Variants in OR5A1 observed in about 807,000 individuals in gnomAD.
The protein encoded by OR5A1 is olfactory receptor family 5 subfamily A member 1.
A neutral mutation model predicts 6.7 loss-of-function variants in OR5A1; 6 were observed. That is an observed-to-expected ratio of 0.89 (90% CI 0.49 to 1.76). The LOEUF is 1.76. OR5A1 is among the 40% of genes most tolerant of loss of function. OR5A1 has a pLI of 0.01. For synonymous variants in OR5A1, 170 were observed against 155.0 expected (o/e 1.10, Z -0.72); for missense variants, 378 against 381.7 (o/e 0.99, Z 0.08).
At chr11:59,443,007 C>T (rs7948562) in intron 1 of OR5A1, 129 bp from the exon 2 acceptor site, 576,557 of 603,924 alleles carry the variant, frequency 0.95, 276,770 homozygotes, top group Non-Finnish European at 0.99. Context: ...GAGACTGAGA[C>T]TGAGACTGAG....
rs1565076481 is a variant in OR5A1 at position 59,448,894 on chromosome 11, AT to A, written c.*4781del. ...CTTGAACTATAATATTGTTGATGAA[AT>A]TTCTGTAATCGTTATCATACAAGGA... On this transcript the variant is annotated 3_prime_UTR_variant, in exon 2 of 2. Transcript: ENST00000641045. The A allele has an allele frequency of 6.6e-6, 1 of 152,168 alleles. No homozygotes were observed. Among genetic ancestry groups the A allele is most frequent in the African/African-American group, 2.4e-5 (1 of 41,440 alleles). 9.4% of individuals were successfully genotyped at this position (152,168 alleles called of 1,614,324 possible). A position where few individuals can be genotyped will look rare whatever the true frequency, so the allele number is the denominator to read the frequency against.
chr11:59,443,767 T>C lies in OR5A1; in HGVS notation c.599T>C (p.Val200Ala). ...LSCSDTFLSQ[V>A]VNFLVVVTVG... ...TGCTCTGACACCTTCCTCAGTCAAG[T>C]GGTGAATTTCCTCGTGGTGGTCACT... The change falls in exon 2 of 2, where the codon GTG (valine) becomes GCG (alanine). Residue 200 changes from valine to alanine, a missense_variant. Coordinates refer to ENST00000641045, the MANE Select transcript of OR5A1 (RefSeq NM_001004728.2). 2 of 1,614,120 alleles carry C rather than the reference T, an allele frequency of 1.2e-6. No homozygotes were observed. Among genetic ancestry groups the C allele is most frequent in the Non-Finnish European group, 1.7e-6 (2 of 1,180,000 alleles).
At position 59,443,805 on chromosome 11, in the gene OR5A1, T is replaced by C. The variant is rs769283227; in HGVS notation, c.637T>C (p.Ser213Pro). ...CGTGGTGGTCACTGTCGGAGGAACA[T>C]CGTTCCTCCAACTCCTTATCTCCTA... ...FLVVVTVGGT[S>P]FLQLLISYGY... Residue 213 changes from serine to proline, a missense_variant, in exon 2 of 2, where the codon TCG becomes CCG. Coordinates refer to ENST00000641045, the MANE Select transcript of OR5A1 (RefSeq NM_001004728.2). The C allele has an allele frequency of 4.3e-6, 7 of 1,613,570 alleles. No individual in the cohort carries two copies. Among genetic ancestry groups the C allele is most frequent in the African/African-American group, 4.0e-5 (3 of 74,900 alleles).
Position 59,443,495 on chromosome 11 carries a change from C to T in OR5A1, c.327C>T (p.Gly109=), listed in dbSNP as rs1167262261. ...CTGCTCAGTTTTTTTTCTTTGTCGG[C>T]ATGGGTCTGTCTGAGTGCCTCCTCC... ...GCAAQFFFFV[G]MGLSECLLLT... Residue 109 remains glycine, a synonymous_variant, in exon 2 of 2, where the codon GGC becomes GGT. Coordinates refer to ENST00000641045, the MANE Select transcript of OR5A1 (RefSeq NM_001004728.2). The T allele has an allele frequency of 1.2e-6, 2 of 1,614,024 alleles. No individual in the cohort carries two copies. The highest frequency in any genetic ancestry group is 8.5e-7 in the Non-Finnish European group (1 of 1,179,998).
At chr11:59,439,066 C>T (rs2075785465) in intron 1 of OR5A1, among the ~76,000 whole-genome samples, 1 of 152,170 alleles carries the variant, frequency 6.6e-6, no homozygotes, top group African/African-American at 2.4e-5. Context: ...AGAACACCTC[C>T]AACTCCACAA....
chr11:59,441,463 TCATTGATTTC>T (rs2134535470), intron 1 of OR5A1, among the ~76,000 whole-genome samples: 1 of 152,306 alleles, frequency 6.6e-6, no homozygotes, highest in South Asian at 2.1e-4. Flanking sequence ...TAAAATAATT[TCATTGATTTC>T]CAAATTATTT....
intron 1 of OR5A1, among the ~76,000 whole-genome samples, chr11:59,438,476 C>T (rs1341481686): frequency 1.3e-5 from 2 of 152,102 alleles, no homozygotes; most frequent in African/African-American, 4.8e-5. Flanking sequence ...TGAAACCAAT[C>T]TTTTCAAAAA....
intron 1 of OR5A1, among the ~76,000 whole-genome samples, chr11:59,440,802 C>T (rs1331217047): frequency 6.6e-6 from 1 of 152,168 alleles, no homozygotes; most frequent in Non-Finnish European, 1.5e-5. Context: ...CAAACAGGAG[C>T]AAAACCTTAG....
intron 1 of OR5A1, among the ~76,000 whole-genome samples, chr11:59,442,051 C>CAG (rs1206893575): frequency 6.6e-6 from 1 of 152,006 alleles, no homozygotes; most frequent in African/African-American, 2.4e-5. Context: ...TCTAATTTTA[C>CAG]AGAGAGAGAG....
rs937622219 is a variant in OR5A1 at position 59,448,872 on chromosome 11, G to A, written c.*4756G>A. 8 of 152,090 alleles carry A rather than the reference G, an allele frequency of 5.3e-5. No homozygotes were observed. Among genetic ancestry groups the A allele is most frequent in the Admixed American group, 4.6e-4 (7 of 15,272 alleles). The allele number at this position is 152,090 out of a possible 1,614,324, so 9.4% of individuals were successfully genotyped here. A position where few individuals can be genotyped will look rare whatever the true frequency, so the allele number is the denominator to read the frequency against. On this transcript the variant is annotated 3_prime_UTR_variant, in exon 2 of 2. Coordinates refer to ENST00000641045, the MANE Select transcript of OR5A1 (RefSeq NM_001004728.2). ...CCATTGTCACATGAAATTGACTCTT[G>A]AACTATAATATTGTTGATGAAATTT...
chr11:59,443,250 G>GCC lies in OR5A1; in HGVS notation c.84_85dup (p.Leu29ProfsTer5). ...ATTCACAGACCATCCAGAACTCCAG[G>GCC]CCCTCCTCTTTGTGACCTTCCTGGG... On this transcript the variant is annotated frameshift_variant, in exon 2 of 2. Coordinates refer to ENST00000641045, the MANE Select transcript of OR5A1 (RefSeq NM_001004728.2). LOFTEE classifies it high-confidence loss of function. The GCC allele has an allele frequency of 6.2e-7, 1 of 1,613,912 alleles. No homozygotes were observed. The highest frequency in any genetic ancestry group is 8.5e-7 in the Non-Finnish European group (1 of 1,179,982).
Position 59,449,651 on chromosome 11 carries a change from T to C in OR5A1, c.*5535T>C, listed in dbSNP as rs1207502398. On this transcript the variant is annotated 3_prime_UTR_variant, in exon 2 of 2. Transcript: ENST00000641045. ...TAATGATATTAGGATTATGATAATA[T>C]TAATACCCTACATTTGTATAATGCT... The C allele has an allele frequency of 6.6e-6, 1 of 152,212 alleles. No individual in the cohort carries two copies. The highest frequency in any genetic ancestry group is 1.5e-5 in the Non-Finnish European group (1 of 68,038). 9.4% of individuals were successfully genotyped at this position (152,212 alleles called of 1,614,324 possible).
In OR5A1 at chr11:59,448,835, C is replaced by T. The variant is rs1858582937; in HGVS notation, c.*4719C>T. The T allele has an allele frequency of 1.3e-5, 2 of 152,040 alleles. No homozygotes were observed. The highest frequency in any genetic ancestry group is 6.6e-5 in the Admixed American group (1 of 15,254). The allele number at this position is 152,040 out of a possible 1,614,324, so 9.4% of individuals were successfully genotyped here. A position where few individuals can be genotyped will look rare whatever the true frequency, so the allele number is the denominator to read the frequency against. On this transcript the variant is annotated 3_prime_UTR_variant, in exon 2 of 2. Coordinates refer to ENST00000641045, the MANE Select transcript of OR5A1 (RefSeq NM_001004728.2). ...TGTTGGAAAAAAATCAATTATGTGA[C>T]CCAAATTGTGACCATTGTCACATGA... is the stretch of plus-strand genomic sequence containing the variant.
rs1476184025 is a variant in OR5A1 at position 59,448,421 on chromosome 11, CTCCAGGTCTCAG to C, written c.*4308_*4319del. The C allele has an allele frequency of 6.6e-6, 1 of 152,212 alleles. No individual in the cohort carries two copies. The highest frequency in any genetic ancestry group is 6.5e-5 in the Admixed American group (1 of 15,270). The allele number at this position is 152,212 out of a possible 1,614,324, so 9.4% of individuals were successfully genotyped here. ...CTAGTGGAATCCAATTTGTCAGTAT[CTCCAGGTCTCAG>C]TCAAGGCCTCTTTATGATGACGTTG... On this transcript the variant is annotated 3_prime_UTR_variant, in exon 2 of 2. Coordinates refer to ENST00000641045, the MANE Select transcript of OR5A1 (RefSeq NM_001004728.2).
chr11:59,446,555 C>T lies in OR5A1; in HGVS notation c.*2439C>T, dbSNP rs1316555471. 6.6e-6 allele frequency: 1 copy of T among 152,208 alleles called. No homozygotes were observed. The highest frequency in any genetic ancestry group is 1.5e-5 in the Non-Finnish European group (1 of 68,046). 9.4% of individuals were successfully genotyped at this position (152,208 alleles called of 1,614,324 possible). A position where few individuals can be genotyped will look rare whatever the true frequency, so the allele number is the denominator to read the frequency against. On this transcript the variant is annotated 3_prime_UTR_variant, in exon 2 of 2. Transcript: ENST00000641045. ...TGGTGTCCTTTTTGATCACCACACC[C>T]TGAATTCCCCTTGCTATCTTCTATC...
chr11:59,438,600 A>G (rs1003768475), intron 1 of OR5A1, among the ~76,000 whole-genome samples: 1 of 152,194 alleles, frequency 6.6e-6, no homozygotes, highest in African/African-American at 2.4e-5. Flanking sequence ...TGCTCCCGTG[A>G]TGAGCTTCCT....
In OR5A1 at chr11:59,443,604, C is replaced by T. The variant is rs140540035; in HGVS notation, c.436C>T (p.Arg146Cys). The change falls in exon 2 of 2, where the codon CGC (arginine) becomes TGC (cysteine). Residue 146 changes from arginine to cysteine, a missense_variant. By Grantham distance (180) the Arg-to-Cys change is radical. Transcript: ENST00000641045. Reference sequence around the variant, plus strand: ...TATCATGACCCAGGGCCTCTGTACACGCATGGTGGTTGGGGCATATGTTGG... The same window carrying T: ...TATCATGACCCAGGGCCTCTGTACATGCATGGTGGTTGGGGCATATGTTGG... ...PTIMTQGLCT[R>C]MVVGAYVGGF... 1.1e-4 allele frequency: 177 copies of T among 1,614,076 alleles called. 1 individual carries two copies. In the African/African-American group the frequency reaches 1.1e-3, roughly 10 times the overall value.
chr11:59,447,572 A>G lies in OR5A1; in HGVS notation c.*3456A>G, dbSNP rs926478113. On this transcript the variant is annotated 3_prime_UTR_variant, in exon 2 of 2. Transcript: ENST00000641045. ...TTACAAGGGAAATTCAAGAAAGAAT[A>G]TGAGAAGGAGAGATTGTCTGATCCT... 1 of 152,258 alleles carries G rather than the reference A, an allele frequency of 6.6e-6. No homozygotes were observed. The highest frequency in any genetic ancestry group is 2.1e-4 in the South Asian group (1 of 4,836). 9.4% of individuals were successfully genotyped at this position (152,258 alleles called of 1,614,324 possible). A position where few individuals can be genotyped will look rare whatever the true frequency, so the allele number is the denominator to read the frequency against.
Position 59,449,349 on chromosome 11 carries a change from T to C in OR5A1, c.*5233T>C, listed in dbSNP as rs1440358980. The C allele has an allele frequency of 6.6e-6, 1 of 152,180 alleles. No homozygotes were observed. The highest frequency in any genetic ancestry group is 1.5e-5 in the Non-Finnish European group (1 of 68,028). 9.4% of individuals were successfully genotyped at this position (152,180 alleles called of 1,614,324 possible). A position where few individuals can be genotyped will look rare whatever the true frequency, so the allele number is the denominator to read the frequency against. ...AAAATTTTGCACACCTACAAACTTA[T>C]GATTTCAATAGTGTCTCTGAAAGGC... On this transcript the variant is annotated 3_prime_UTR_variant, in exon 2 of 2. Coordinates refer to ENST00000641045, the MANE Select transcript of OR5A1 (RefSeq NM_001004728.2).
Sources: allele counts gnomAD v4.1 joint callset (sites outside exome capture counted in the v4.1 genomes callset), GRCh38; gene constraint gnomAD v4.1.1; transcripts MANE v1.5; gene names NCBI Gene and HGNC (gene_info 2026-07-23, HGNC 2026-07-21).